Variants in APPL2 observed in about 807,000 individuals in gnomAD.
APPL2 encodes DCC-interacting protein 13-beta.
In APPL2, 84 loss-of-function variants were observed where a neutral mutation model predicts 92.7. The ratio of observed to expected loss-of-function variants is 0.91; its 90% CI spans 0.76 to 1.09. APPL2 has a LOEUF of 1.09. APPL2 is among the 50% of genes least tolerant of loss of function. APPL2 has a pLI of 0.00. For missense variants in APPL2, 736 were observed against 824.5 expected, an observed-to-expected ratio of 0.89 and a Z score of 1.31; for synonymous variants, 291 against 291.0, an observed-to-expected ratio of 1.00 and a Z score of 0.00.
intron 4 of APPL2, among the ~76,000 whole-genome samples, chr12:105,212,973 A>C (rs1357577571): frequency 6.6e-6 from 1 of 152,254 alleles, no homozygotes; most frequent in Non-Finnish European, 1.5e-5. Flanking sequence ...CAGCCATGCC[A>C]GTAAATGCCT....
intron 2 of APPL2, among the ~76,000 whole-genome samples, chr12:105,220,960 G>A (rs756854165): frequency 4.6e-5 from 7 of 152,224 alleles, no homozygotes; most frequent in Non-Finnish European, 1.0e-4. Context: ...CAGGGTGCAA[G>A]ACCAACTATG....
intron 4 of APPL2, 25 bp downstream of exon 4, chr12:105,217,044 C>A: frequency 6.5e-7 from 1 of 1,528,476 alleles, no homozygotes. Flanking sequence ...GAATCAAATA[C>A]AAATTTTCTA....
intron 17 of APPL2, among the ~76,000 whole-genome samples, chr12:105,177,878 C>T (rs1272505345): frequency 1.3e-5 from 2 of 152,190 alleles, no homozygotes; most frequent in African/African-American, 2.4e-5. Flanking sequence ...GCAACCTCCA[C>T]CTCCCGGGTT....
intron 17 of APPL2, among the ~76,000 whole-genome samples, chr12:105,177,999 C>T (rs1265093197): frequency 1.3e-5 from 2 of 152,106 alleles, no homozygotes; most frequent in Admixed American, 1.3e-4. Context: ...CCATGTTGAC[C>T]AGGCTGGTGT....
rs572980291 is a variant in APPL2, at chr12:105,206,976, C to A, written c.621+85G>T. The stretch of plus-strand genomic sequence containing the variant: ...TGTGCATTTATGTTTCTTTCTACGA[C>A]GATGCTTCAGTGTCTCCTGCGTGCC... On this transcript the variant is annotated intron_variant, in intron 8 of 20. Transcript: ENST00000258530. 10 of 1,496,876 alleles carry A rather than the reference C, an allele frequency of 6.7e-6. No homozygotes were observed. The East Asian group carries it at 2.3e-4, about 35-fold the overall frequency. 92.7% of individuals were successfully genotyped at this position (1,496,876 alleles called of 1,614,324 possible).
chr12:105,218,222 C>T (rs909275480), intron 2 of APPL2, among the ~76,000 whole-genome samples: 1 of 152,158 alleles, frequency 6.6e-6, no homozygotes, highest in Non-Finnish European at 1.5e-5. Context: ...TTTGTTCAGA[C>T]ATTTGGAAAA....
chr12:105,209,143 C>T (rs1319902620), intron 5 of APPL2, among the ~76,000 whole-genome samples: 1 of 152,014 alleles, frequency 6.6e-6, no homozygotes, highest in Non-Finnish European at 1.5e-5. Context: ...TAAGTAGTTT[C>T]CTTAATATCT....
At chr12:105,182,082 T>A (rs1037840260) in intron 17 of APPL2, among the ~76,000 whole-genome samples, 4 of 152,170 alleles carry the variant, frequency 2.6e-5, no homozygotes, top group African/African-American at 9.7e-5. Context: ...TGGAGTGCAA[T>A]GGCATGATCT....
chr12:105,230,960 T>C (rs1325121838), intron 1 of APPL2, among the ~76,000 whole-genome samples: 1 of 152,242 alleles, frequency 6.6e-6, no homozygotes, highest in Admixed American at 6.5e-5. Context: ...CTCTCTGAAC[T>C]TTCAAAAATT....
In APPL2 at chr12:105,197,914, A is replaced by C. The variant is rs1417419910; in HGVS notation, c.903T>G (p.Tyr301Ter). The part of the protein sequence containing the change: ...GLVTTTWERL[Y>*]FFTQGGNLMC... Reference sequence around the variant, plus strand: ...TGAGATTCCCGCCTTGGGTGAAGAAATAAAGCCTCTCCCAGGTGGTGGTGA... The same window carrying C: ...TGAGATTCCCGCCTTGGGTGAAGAACTAAAGCCTCTCCCAGGTGGTGGTGA... Residue 301 changes from tyrosine (Y) to a stop codon, truncating the protein, a stop_gained, in exon 11 of 21, where the codon TAT becomes TAG. Transcript: ENST00000258530. LOFTEE classifies it high-confidence loss of function. 1 of 1,614,148 alleles carries C rather than the reference A, an allele frequency of 6.2e-7. No individual in the cohort carries two copies. Among genetic ancestry groups the C allele is most frequent in the East Asian group, 2.2e-5 (1 of 44,882 alleles).
Position 105,195,357 on chromosome 12 carries a change from T to C in APPL2, c.1153-8A>G. ...CAACTTGATCGCGACTGCCTAAAAA[T>C]CCACAGGAAGACACACTCAGTCCCA... is the stretch of plus-strand genomic sequence containing the variant. On this transcript the variant is annotated splice_polypyrimidine_tract_variant and splice_region_variant and intron_variant, in intron 13 of 20. Coordinates refer to ENST00000258530, the MANE Select transcript of APPL2 (RefSeq NM_018171.5). 1 of 1,614,136 alleles carries C rather than the reference T, an allele frequency of 6.2e-7. No homozygotes were observed. The highest frequency in any genetic ancestry group is 8.5e-7 in the Non-Finnish European group (1 of 1,180,006).
At position 105,188,573 on chromosome 12, in the gene APPL2, A is replaced by G; in HGVS notation, c.1460-126T>C. 3 of 897,156 alleles carry G rather than the reference A, an allele frequency of 3.3e-6. No individual in the cohort carries two copies. In the South Asian group the frequency reaches 5.2e-5, roughly 16 times the overall value. The allele number at this position is 897,156 out of a possible 1,614,324, so 55.6% of individuals were successfully genotyped here. The stretch of plus-strand genomic sequence containing the variant: ...GGACTTTCTACCAAAATTTCTCAAT[A>G]CCACTTTTATAAGCCCAATATTGCC... On this transcript the variant is annotated intron_variant, in intron 16 of 20. Coordinates refer to ENST00000258530, the MANE Select transcript of APPL2 (RefSeq NM_018171.5).
chr12:105,203,653 C>A (rs1403887621), intron 9 of APPL2, 50 bp downstream of exon 9: 3 of 1,554,046 alleles, frequency 1.9e-6, no homozygotes, highest in South Asian at 1.1e-5. Flanking sequence ...GATGTCAGAT[C>A]AGCATGAAAG....
chr12:105,174,849 G>C (rs1885345724), intron 20 of APPL2, among the ~76,000 whole-genome samples: 1 of 140,784 alleles, frequency 7.1e-6, no homozygotes, highest in Non-Finnish European at 1.5e-5. Context: ...TTTACATACT[G>C]TCCATGCTGC....
intron 17 of APPL2, among the ~76,000 whole-genome samples, chr12:105,182,410 A>G (rs544378493): frequency 6.6e-6 from 1 of 152,122 alleles, no homozygotes; most frequent in Non-Finnish European, 1.5e-5. Flanking sequence ...GTGCTATAAA[A>G]ACATTGCTTT....
At chr12:105,189,678 CAT>C (rs1333102334) in intron 16 of APPL2, 92 bp downstream of exon 16, 2 of 1,350,094 alleles carry the variant, frequency 1.5e-6, no homozygotes, top group African/African-American at 2.9e-5. Flanking sequence ...TACTCCTAAT[CAT>C]AGCTCTCTAA....
intron 9 of APPL2, among the ~76,000 whole-genome samples, chr12:105,201,049 C>A (rs1327817498): frequency 6.6e-6 from 1 of 152,116 alleles, no homozygotes; most frequent in Admixed American, 6.5e-5. Flanking sequence ...GCTGGGATTA[C>A]AGGCATGCAC....
intron 8 of APPL2, 197 bp downstream of exon 8, chr12:105,206,864 T>C: frequency 1.6e-6 from 1 of 613,636 alleles, no homozygotes. Context: ...ATGGCCTAAC[T>C]TGAGGCCAAT....
chr12:105,205,054 A>G (rs1460240252), intron 8 of APPL2, among the ~76,000 whole-genome samples: 1 of 152,164 alleles, frequency 6.6e-6, no homozygotes, highest in African/African-American at 2.4e-5. Flanking sequence ...AAGCCTGATG[A>G]GTCTCCACCA....
Sources: allele counts gnomAD v4.1 joint callset (sites outside exome capture counted in the v4.1 genomes callset), GRCh38; gene constraint gnomAD v4.1.1; transcripts MANE v1.5; gene names NCBI Gene and HGNC (gene_info 2026-07-23, HGNC 2026-07-21).